RNF213: variants seen among roughly 807,000 people sequenced by gnomAD.
The protein encoded by RNF213 is E3 ubiquitin-protein ligase RNF213.
In RNF213, 341 loss-of-function variants were observed where a neutral mutation model predicts 514.4. That is an observed-to-expected ratio of 0.66 (90% CI 0.61 to 0.73). The LOEUF (loss-of-function observed/expected upper bound fraction) is 0.73. RNF213 is among the 30% of genes least tolerant of loss of function. The pLI, the probability that RNF213 is intolerant of heterozygous loss-of-function variation, is 0.00. For synonymous variants in RNF213, 2,655 were observed against 2,658.2 expected (o/e 1.00, Z 0.04); for missense variants, 5,767 against 6,615.6 (o/e 0.87, Z 4.45).
chr17:80,273,462 A>C (rs768187659), intron 3 of RNF213, 58 bp downstream of exon 3: 387 of 1,599,830 alleles, frequency 2.4e-4, no homozygotes, highest in Non-Finnish European at 3.1e-4. Context: ...GGAAAATCTC[A>C]CTGCACAGCT....
chr17:80,267,634 TGAG>T (rs2043653348), intron 2 of RNF213, among the ~76,000 whole-genome samples: 1 of 152,016 alleles, frequency 6.6e-6, no homozygotes, highest in Non-Finnish European at 1.5e-5. Flanking sequence ...CTGACAGAGT[TGAG>T]GAGGCTGCAG....
chr17:80,283,987 G>A (rs1568009482), intron 3 of RNF213, among the ~76,000 whole-genome samples: 1 of 152,206 alleles, frequency 6.6e-6, no homozygotes, highest in Non-Finnish European at 1.5e-5. Flanking sequence ...ACTTTGGGAG[G>A]CCGAGGTGGG....
intron 3 of RNF213, among the ~76,000 whole-genome samples, chr17:80,285,764 G>A (rs1437349967): frequency 2.0e-5 from 3 of 149,574 alleles, no homozygotes; most frequent in African/African-American, 4.9e-5. Context: ...TCTGCCTCCC[G>A]GGTTCAAGCA....
intron 64 of RNF213, 112 bp downstream of exon 64, chr17:80,388,801 G>C: frequency 1.2e-6 from 1 of 865,300 alleles, no homozygotes; most frequent in Non-Finnish European, 2.0e-6. Flanking sequence ...TGAGCCCACA[G>C]TTTCTGCGGC....
chr17:80,343,981 G>C lies in RNF213; in HGVS notation c.6308G>C (p.Arg2103Thr). ...TATATCGTTGAAATCCTGGAAAGGA[G>C]GACGTCAGTGCCGTCGAGGAGCTCT... ...HLYIVEILER[R>T]TSVPSRSSSA... Residue 2103 changes from arginine to threonine, a missense_variant, in exon 28 of 68, where the codon AGG (arginine) becomes ACG (threonine). By Grantham distance (71) the Arg-to-Thr change is moderately conservative. This residue lies in a region of RNF213 where 1,377 missense variants were observed against 1,635.2 expected (regional missense o/e 0.84). Coordinates refer to ENST00000582970, the MANE Select transcript of RNF213 (RefSeq NM_001256071.3). The surrounding 1 kb of genome is among the most constrained non-coding windows in gnomAD (Gnocchi z 4.3). 1 of 1,614,206 alleles carries C rather than the reference G, an allele frequency of 6.2e-7. No individual in the cohort carries two copies. Among genetic ancestry groups the C allele is most frequent in the Non-Finnish European group, 8.5e-7 (1 of 1,180,046 alleles).
rs145284392 is a variant in RNF213, at chr17:80,343,997, G to A, written c.6324G>A (p.Ser2108=). The part of the protein sequence containing the change: ...EILERRTSVP[S]RSSSALRTRV... The stretch of plus-strand genomic sequence containing the variant: ...TGGAAAGGAGGACGTCAGTGCCGTC[G>A]AGGAGCTCTTCAGCGCTGGTCTGTA... The change falls in exon 28 of 68, where the codon TCG becomes TCA. Residue 2108 remains serine, a synonymous_variant. Transcript: ENST00000582970. The surrounding 1 kb of genome is among the most constrained non-coding windows in gnomAD (Gnocchi z 4.3). The A allele has an allele frequency of 3.1e-5, 50 of 1,614,070 alleles. No individual in the cohort carries two copies. Among genetic ancestry groups the A allele is most frequent in the Non-Finnish European group, 3.7e-5 (44 of 1,180,044 alleles).
At chr17:80,355,721 C>T (rs1379165599) in intron 36 of RNF213, among the ~76,000 whole-genome samples, 4 of 56,614 alleles carry the variant, frequency 7.1e-5, no homozygotes, top group African/African-American at 3.2e-4. Context: ...GAGGAAGAAG[C>T]GGGGTGGACG....
intron 11 of RNF213, among the ~76,000 whole-genome samples, chr17:80,300,726 A>G (rs1402567045): frequency 7.0e-6 from 1 of 142,878 alleles, no homozygotes; most frequent in Non-Finnish European, 1.5e-5. Flanking sequence ...TAATTTTTGT[A>G]TTTTTAGTAG....
chr17:80,296,266 C>T (rs947918747), intron 10 of RNF213, among the ~76,000 whole-genome samples: 1 of 152,174 alleles, frequency 6.6e-6, no homozygotes, highest in Non-Finnish European at 1.5e-5. Context: ...GTGATCCACC[C>T]ACCTCGGCCT....
Position 80,324,967 on chromosome 17 carries a change from G to A in RNF213, c.3025-63G>A, listed in dbSNP as rs760976787. 2.6e-4 allele frequency: 378 copies of A among 1,474,896 alleles called. 2 individuals carry two copies. Among genetic ancestry groups the A allele is most frequent in the Middle Eastern group, 1.8e-3 (10 of 5,682 alleles). The allele number at this position is 1,474,896 out of a possible 1,614,324, so 91.4% of individuals were successfully genotyped here. A position where few individuals can be genotyped will look rare whatever the true frequency, so the allele number is the denominator to read the frequency against. On this transcript the variant is annotated intron_variant, in intron 17 of 67. Transcript: ENST00000582970. ...GCTATCGAGTAGGTAATTTGCTTTT[G>A]TTATTTCAAAACAAACTAATGAAAA...
chr17:80,298,229 C>T, intron 10 of RNF213, 92 bp from the exon 11 acceptor site: 1 of 1,313,418 alleles, frequency 7.6e-7, no homozygotes, highest in Non-Finnish European at 1.1e-6. Flanking sequence ...GCTCTGTGTG[C>T]ACGGTGCTTG....
At position 80,332,469 on chromosome 17, in the gene RNF213, G is replaced by C. The variant is rs1599040385; in HGVS notation, c.3981G>C (p.Val1327=). The C allele has an allele frequency of 1.1e-5, 17 of 1,536,966 alleles. No homozygotes were observed. Among genetic ancestry groups the C allele is most frequent in the Non-Finnish European group, 1.5e-5 (17 of 1,146,860 alleles). Residue 1327 remains valine, a synonymous_variant, in exon 21 of 68, where the codon GTG becomes GTC. Transcript: ENST00000582970. ...LDSELKIMCT[V]DHQDQRDWIK... ...CAGAACTTAAGATCATGTGCACCGT[G>C]GACCACCAGGACCAAAGAGATTGGA...
At position 80,273,354 on chromosome 17, in the gene RNF213, CAAG is replaced by C. The variant is rs2043894266; in HGVS notation, c.214_216del (p.Glu72del). On this transcript the variant is annotated inframe_deletion, in exon 3 of 68. Transcript: ENST00000582970. ...CTTGTTCCCGGGCTCAGACAGTTGG[CAAG>C]AAAACCCCGAGGAGCCCTGTTCCAA... 1.9e-6 allele frequency: 3 copies of C among 1,613,230 alleles called. No individual in the cohort carries two copies. Among genetic ancestry groups the C allele is most frequent in the Admixed American group, 1.7e-5 (1 of 59,976 alleles).
chr17:80,271,078 G>A (rs887731620), intron 2 of RNF213, among the ~76,000 whole-genome samples: 2 of 152,100 alleles, frequency 1.3e-5, no homozygotes, highest in African/African-American at 2.4e-5. Flanking sequence ...ATTGGATTAG[G>A]CTAGTCAGGG....
At position 80,367,776 on chromosome 17, in the gene RNF213, C is replaced by T. The variant is rs1007181374; in HGVS notation, c.11900C>T (p.Thr3967Met). Residue 3967 changes from threonine (T) to methionine (M), a missense_variant, in exon 43 of 68, where the codon ACG becomes ATG. Thr to Met is a moderately conservative substitution (Grantham distance 81). Around this residue, in one of 13 missense-constraint regions of RNF213, gnomAD observed 355 missense variants for 358.0 expected, o/e 0.99. Coordinates refer to ENST00000582970, the MANE Select transcript of RNF213 (RefSeq NM_001256071.3). The stretch of plus-strand genomic sequence containing the variant: ...CTTCGAGAGAACTCTGACGTGAAGA[C>T]GCACGGGCCTTTTGAGGCCGTGATG... The part of the protein sequence containing the change: ...KCLRENSDVK[T>M]HGPFEAVMRT... The T allele has an allele frequency of 3.5e-5, 56 of 1,614,078 alleles. No individual in the cohort carries two copies. Among genetic ancestry groups the T allele is most frequent in the South Asian group, 5.5e-5 (5 of 91,090 alleles).
At chr17:80,312,895 G>T (rs925557254) in intron 14 of RNF213, 117 bp from the exon 15 acceptor site, 1 of 1,155,714 alleles carries the variant, frequency 8.7e-7, no homozygotes, top group Admixed American at 1.9e-5. Context: ...TCCCTCCATC[G>T]TAGCCACTCC....
Position 80,358,299 on chromosome 17 carries a change from G to A in RNF213, c.10874G>A (p.Trp3625Ter). Residue 3625 changes from tryptophan to a stop codon, truncating the protein, a stop_gained, in exon 37 of 68, where the codon TGG (tryptophan) becomes TAG (stop). Coordinates refer to ENST00000582970, the MANE Select transcript of RNF213 (RefSeq NM_001256071.3). LOFTEE classifies it high-confidence loss of function. ...QEAGTFRHTL[W>*]KRVQGAVTPL... ...CTTCTGTGCTGCAGGCACACCCTCT[G>A]GAAGCGGGTCCAAGGTGCTGTCACC... The A allele has an allele frequency of 6.2e-7, 1 of 1,613,966 alleles. No homozygotes were observed. Among genetic ancestry groups the A allele is most frequent in the Non-Finnish European group, 8.5e-7 (1 of 1,179,906 alleles).
chr17:80,351,195 A>T (rs1159095232), intron 31 of RNF213, among the ~76,000 whole-genome samples: 2 of 152,244 alleles, frequency 1.3e-5, no homozygotes, highest in East Asian at 3.8e-4. Context: ...TTGAAATGGA[A>T]AGGTCCACTG....
At chr17:80,311,853 G>A (rs1022029658) in intron 14 of RNF213, among the ~76,000 whole-genome samples, 1 of 152,228 alleles carries the variant, frequency 6.6e-6, no homozygotes, top group East Asian at 1.9e-4. Flanking sequence ...TTGGCTGGGT[G>A]TAGTAGCTCA....
Sources: gnomAD v4.1 joint callset for allele counts (sites outside exome capture counted in the v4.1 genomes callset) on GRCh38, gnomAD v4.1.1 for gene constraint, gnomAD v4.1.1 regional missense constraint, Gnocchi (gnomAD v3.1) non-coding constraint, MANE v1.5 for transcripts, NCBI Gene and HGNC (gene_info 2026-07-23, HGNC 2026-07-21) for gene names.